The following NTMT2 variants were observed in gnomAD, a reference collection of about 807,000 sequenced individuals.
NTMT2 encodes N-terminal Xaa-Pro-Lys N-methyltransferase 2.
In NTMT2, 21 loss-of-function variants were observed where a neutral mutation model predicts 23.4. The observed-to-expected ratio is 0.90, with a 90% CI of 0.64 to 1.29. The LOEUF is 1.29. Among genes scored for constraint, NTMT2 ranks in the 50% most tolerant of loss-of-function variants. The probability of loss-of-function intolerance (pLI) is 0.00; values close to 1 mark genes in which losing one functional copy is unlikely to be tolerated. For missense variants in NTMT2, 336 were observed against 352.0 expected (o/e 0.95, Z 0.36); for synonymous variants, 131 against 127.7 (o/e 1.03, Z -0.17).
chr1:170,148,535 C>A (rs1216537597), intron 1 of NTMT2, among the ~76,000 whole-genome samples: 1 of 151,912 alleles, frequency 6.6e-6, no homozygotes, highest in African/African-American at 2.4e-5. Context: ...TTTCTCTGAC[C>A]CTGATGATTT....
chr1:170,160,225 T>G (rs751351319), intron 1 of NTMT2, among the ~76,000 whole-genome samples: 22 of 152,188 alleles, frequency 1.4e-4, no homozygotes, highest in Non-Finnish European at 2.2e-4. Flanking sequence ...TTTAATACAG[T>G]GATATAGCTA....
At chr1:170,164,453 T>G (rs993290864) in intron 2 of NTMT2, among the ~76,000 whole-genome samples, 1 of 152,254 alleles carries the variant, frequency 6.6e-6, no homozygotes, top group African/African-American at 2.4e-5. Context: ...ATCTTTTTGT[T>G]ATGAATTTAC....
At chr1:170,159,419 TGG>T (rs758138767) in intron 1 of NTMT2, among the ~76,000 whole-genome samples, 1 of 69,214 alleles carries the variant, frequency 1.4e-5, no homozygotes, top group Non-Finnish European at 2.8e-5. Flanking sequence ...ATTTATGCTC[TGG>T]TTTTTTTTTT....
chr1:170,155,235 T>A (rs1673142014), intron 1 of NTMT2, among the ~76,000 whole-genome samples: 1 of 152,154 alleles, frequency 6.6e-6, no homozygotes, highest in Non-Finnish European at 1.5e-5. Flanking sequence ...AACACAGGTA[T>A]CATTACCTCT....
intron 1 of NTMT2, among the ~76,000 whole-genome samples, chr1:170,154,558 G>A (rs560242541): frequency 6.4e-4 from 97 of 152,216 alleles, no homozygotes; most frequent in Non-Finnish European, 1.2e-3. Context: ...TCAAGCTTGT[G>A]AGGGACCTTT....
intron 1 of NTMT2, among the ~76,000 whole-genome samples, chr1:170,160,149 A>G (rs1330049832): frequency 6.6e-6 from 1 of 152,236 alleles, no homozygotes; most frequent in Non-Finnish European, 1.5e-5. Context: ...TTTGGAGTTC[A>G]GAGATAGAAC....
intron 1 of NTMT2, chr1:170,151,332 C>A (rs754589297): frequency 6.5e-6 from 1 of 154,282 alleles, no homozygotes; most frequent in Non-Finnish European, 1.5e-5. Context: ...GAGGTATCCT[C>A]TCTTGCGTTG....
rs144389075 is a variant in NTMT2, at chr1:170,154,483, C to T, written c.155-6035C>T. Among the ~76,000 whole-genome samples the T allele has an allele frequency of 8.5e-4, 129 of 152,288 alleles. 1 individual carries two copies. Among genetic ancestry groups the T allele is most frequent in the African/African-American group, 3.0e-3 (123 of 41,574 alleles). On this transcript the variant is annotated intron_variant, in intron 1 of 3. Transcript: ENST00000439373. ...GTCCACACCTCAGTGTGCCCAAATGCGGGGCATGGAGTCAAGGATTATTTT... is the reference window on the plus strand; with the variant it reads ...GTCCACACCTCAGTGTGCCCAAATGTGGGGCATGGAGTCAAGGATTATTTT...
chr1:170,151,488 G>A (rs1673067951), intron 1 of NTMT2: 1 of 153,886 alleles, frequency 6.5e-6, no homozygotes, highest in African/African-American at 2.4e-5. Context: ...AAAGCACTTG[G>A]AACTTCCAGA....
At chr1:170,152,231 G>A (rs1009900449) in intron 1 of NTMT2, among the ~76,000 whole-genome samples, 2 of 152,100 alleles carry the variant, frequency 1.3e-5, no homozygotes, top group African/African-American at 2.4e-5. Context: ...TAAAAATGTG[G>A]TATTAAAGTG....
intron 1 of NTMT2, among the ~76,000 whole-genome samples, chr1:170,159,343 G>A (rs1237909294): frequency 6.7e-6 from 1 of 150,270 alleles, no homozygotes; most frequent in Non-Finnish European, 1.5e-5. Flanking sequence ...TTACAGCTGT[G>A]CTGTCTGCTG....
chr1:170,151,727 T>C (rs1451499826), intron 1 of NTMT2, among the ~76,000 whole-genome samples: 1 of 152,096 alleles, frequency 6.6e-6, no homozygotes, highest in Non-Finnish European at 1.5e-5. Flanking sequence ...GGATGATCTA[T>C]AGGTTTTCTA....
chr1:170,148,387 G>A (rs1048389757), intron 1 of NTMT2, among the ~76,000 whole-genome samples: 1 of 151,534 alleles, frequency 6.6e-6, no homozygotes, highest in Non-Finnish European at 1.5e-5. Context: ...TCCTGACCTC[G>A]TGATCCGCCC....
Position 170,167,736 on chromosome 1 carries a change from G to T in NTMT2, c.831G>T (p.Leu277=). The change falls in exon 4 of 4, where the codon CTG becomes CTT. Residue 277 remains leucine, a synonymous_variant. Transcript: ENST00000439373. ...GCATCCCCGTGTGGATGTTCGCACT[G>T]CACAGCGACAGACACTCCTGAAAAA... The part of the protein sequence containing the change: ...EQCIPVWMFA[L]HSDRHS 1 of 1,550,908 alleles carries T rather than the reference G, an allele frequency of 6.4e-7. No individual in the cohort carries two copies. Among genetic ancestry groups the T allele is most frequent in the Non-Finnish European group, 8.7e-7 (1 of 1,146,636 alleles).
In NTMT2 at chr1:170,146,098, C is replaced by T. The variant is rs1672957204; in HGVS notation, c.-10C>T. Reference sequence around the variant, plus strand: ...TTTCTCTGTAGGAATCATTATTATCCCCCTTTGTCATGGCCCACCGGGGAG... The same window carrying T: ...TTTCTCTGTAGGAATCATTATTATCTCCCTTTGTCATGGCCCACCGGGGAG... On this transcript the variant is annotated 5_prime_UTR_variant, in exon 1 of 4. Coordinates refer to ENST00000439373, the MANE Select transcript of NTMT2 (RefSeq NM_001136107.2). 1.9e-6 allele frequency: 3 copies of T among 1,548,050 alleles called. No individual in the cohort carries two copies. Among genetic ancestry groups the T allele is most frequent in the Non-Finnish European group, 2.6e-6 (3 of 1,145,528 alleles).
intron 1 of NTMT2, among the ~76,000 whole-genome samples, chr1:170,150,919 T>C (rs1357012095): frequency 6.6e-6 from 1 of 152,222 alleles, no homozygotes; most frequent in African/African-American, 2.4e-5. Flanking sequence ...TCTCCATGTT[T>C]AGTAACAATC....
At chr1:170,159,691 T>G (rs946599407) in intron 1 of NTMT2, among the ~76,000 whole-genome samples, 3 of 152,194 alleles carry the variant, frequency 2.0e-5, no homozygotes, top group Non-Finnish European at 4.4e-5. Context: ...ATGCATGTAC[T>G]CAGCCTACAA....
In NTMT2 at chr1:170,167,602, C is replaced by T; in HGVS notation, c.697C>T (p.Leu233Phe). The part of the protein sequence containing the change: ...NVAREGCILD[L>F]SDSSVTRDMD... ...GGCCCGGGAGGGCTGTATCCTTGAT[C>T]TCTCTGACAGCAGTGTGACTCGGGA... The change falls in exon 4 of 4, where the codon CTC becomes TTC. Residue 233 changes from leucine (L) to phenylalanine (F), a missense_variant. Coordinates refer to ENST00000439373, the MANE Select transcript of NTMT2 (RefSeq NM_001136107.2). 6.4e-7 allele frequency: 1 copy of T among 1,551,702 alleles called. No individual in the cohort carries two copies.
intron 2 of NTMT2, among the ~76,000 whole-genome samples, chr1:170,165,839 A>ATTT (rs3040075): frequency 1.5e-4 from 22 of 146,022 alleles, no homozygotes; most frequent in Non-Finnish European, 2.4e-4. Context: ...GCAATGGCTC[A>ATTT]TTTTTTTTTT....
Sources: gnomAD v4.1 joint callset for allele counts (sites outside exome capture counted in the v4.1 genomes callset) on GRCh38, gnomAD v4.1.1 for gene constraint, MANE v1.5 for transcripts, NCBI Gene and HGNC (gene_info 2026-07-23, HGNC 2026-07-21) for gene names.